The following STRAP variants were observed in gnomAD, a reference collection of about 807,000 sequenced individuals.
The protein encoded by STRAP is serine/threonine kinase receptor associated protein.
Under a neutral mutation model 47.0 loss-of-function variants are expected in STRAP, and 16 were observed. The observed-to-expected ratio is 0.34, with a 90% confidence interval of 0.23 to 0.52. The LOEUF (loss-of-function observed/expected upper bound fraction) is 0.52. STRAP is among the 20% of genes least tolerant of loss of function. STRAP has a pLI of 0.96. For missense variants in STRAP, 293 were observed against 420.0 expected (o/e 0.70, Z 2.64); for synonymous variants, 130 against 142.7 (o/e 0.91, Z 0.63).
chr12:15,902,888 T>C (rs1486760657), intron 9 of STRAP, 29 bp from the exon 10 acceptor site: 1 of 857,814 alleles, frequency 1.2e-6, no homozygotes, highest in African/African-American at 1.9e-5. Flanking sequence ...AATGTGACTT[T>C]TTTTTTTTTT....
chr12:15,899,914 G>A lies in STRAP; in HGVS notation c.786G>A (p.Lys262=). 6.2e-7 allele frequency: 1 copy of A among 1,612,270 alleles called. No homozygotes were observed. The highest frequency in any genetic ancestry group is 8.5e-7 in the Non-Finnish European group (1 of 1,179,488). Residue 262 remains lysine (K), a synonymous_variant, in exon 8 of 10, where the codon AAG becomes AAA. Coordinates refer to ENST00000419869, the MANE Select transcript of STRAP (RefSeq NM_007178.4). ...YNSGEELESY[K]GHFGPIHCVR... ...CCTCTTCTTTTTCAGAATCCTACAAGGGACACTTTGGTCCTATTCACTGTG... is the reference window on the plus strand; with the variant it reads ...CCTCTTCTTTTTCAGAATCCTACAAAGGACACTTTGGTCCTATTCACTGTG...
intron 2 of STRAP, among the ~76,000 whole-genome samples, chr12:15,885,205 T>A (rs905107303): frequency 1.0e-4 from 15 of 145,082 alleles, no homozygotes; most frequent in African/African-American, 2.1e-4. Flanking sequence ...TTTTTTTTTT[T>A]AAAGACAGAG....
At position 15,902,922 on chromosome 12, in the gene STRAP, A is replaced by G; in HGVS notation, c.997A>G (p.Ile333Val). 1 of 1,501,426 alleles carries G rather than the reference A, an allele frequency of 6.7e-7. No homozygotes were observed. The highest frequency in any genetic ancestry group is 8.8e-7 in the Non-Finnish European group (1 of 1,136,312). 93.0% of individuals were successfully genotyped at this position (1,501,426 alleles called of 1,614,324 possible). A position where few individuals can be genotyped will look rare whatever the true frequency, so the allele number is the denominator to read the frequency against. ...PETTEEELEE[I>V]ASENSDCIFP... ...TTTTTTTTTTTTACTTATAGAAGAA[A>G]TTGCTTCAGAGAATTCAGATTGCAT... The change falls in exon 10 of 10, where the codon ATT becomes GTT. Residue 333 changes from isoleucine (I) to valine (V), a missense_variant. Physicochemically the swap from Ile to Val is conservative, Grantham distance 29. Transcript: ENST00000419869.
intron 8 of STRAP, among the ~76,000 whole-genome samples, chr12:15,900,547 G>T (rs1054405360): frequency 2.0e-5 from 3 of 151,394 alleles, no homozygotes; most frequent in Admixed American, 1.3e-4. Context: ...AAAATTTGTT[G>T]TACAATCTAG....
In STRAP at chr12:15,883,043, G is replaced by C. The variant is rs1446618177; in HGVS notation, c.112+224G>C. The C allele has an allele frequency of 2.0e-6, 3 of 1,534,370 alleles. No homozygotes were observed. The South Asian group carries it at 3.6e-5, about 18-fold the overall frequency. Reference sequence around the variant, plus strand: ...TGTAGAAACTATTACCTCCAACTAAGACCTCTCTCCTTATTTTATTTTTAT... The same window carrying C: ...TGTAGAAACTATTACCTCCAACTAACACCTCTCTCCTTATTTTATTTTTAT... On this transcript the variant is annotated intron_variant, in intron 1 of 9. Transcript: ENST00000419869.
At position 15,894,200 on chromosome 12, in the gene STRAP, C is replaced by G. The variant is rs944203861; in HGVS notation, c.500+57C>G. 5.6e-6 allele frequency: 8 copies of G among 1,423,848 alleles called. No homozygotes were observed. The highest frequency in any genetic ancestry group is 3.4e-5 in the Admixed American group (2 of 58,028). 88.2% of individuals were successfully genotyped at this position (1,423,848 alleles called of 1,614,324 possible). On this transcript the variant is annotated intron_variant, in intron 5 of 9. Coordinates refer to ENST00000419869, the MANE Select transcript of STRAP (RefSeq NM_007178.4). This position sits in a 1 kb window ranked among gnomAD's most constrained non-coding sequence, Gnocchi z 4.9. ...TAAGGCCGGGCATGGTGGCTCACGC[C>G]TATAATCTCAGCACTTTGGGAGGCG...
intron 7 of STRAP, among the ~76,000 whole-genome samples, chr12:15,899,182 T>C (rs538906229): frequency 2.0e-5 from 3 of 152,342 alleles, no homozygotes; most frequent in African/African-American, 7.2e-5. Context: ...CCTTGTGTTC[T>C]TTGTACTCTT....
At chr12:15,886,651 G>C (rs1391848091) in intron 2 of STRAP, among the ~76,000 whole-genome samples, 1 of 152,128 alleles carries the variant, frequency 6.6e-6, no homozygotes. Flanking sequence ...GTGTTTTCAT[G>C]TGCGTGTTTG....
Position 15,903,195 on chromosome 12 carries a change from A to G in STRAP, c.*217A>G. Reference sequence around the variant, plus strand: ...AAGGGAGGTGGAGTTATCCTCTTATAGTACAGTGGCCTGTTATCTTTTTAA... The same window carrying G: ...AAGGGAGGTGGAGTTATCCTCTTATGGTACAGTGGCCTGTTATCTTTTTAA... On this transcript the variant is annotated 3_prime_UTR_variant, in exon 10 of 10. Transcript: ENST00000419869. 2.5e-6 allele frequency: 1 copy of G among 398,514 alleles called. No individual in the cohort carries two copies. Among genetic ancestry groups the G allele is most frequent in the South Asian group, 9.7e-5 (1 of 10,284 alleles). The allele number at this position is 398,514 out of a possible 1,614,324, so 24.7% of individuals were successfully genotyped here. A position where few individuals can be genotyped will look rare whatever the true frequency, so the allele number is the denominator to read the frequency against.
At chr12:15,892,953 T>C (rs774513532) in intron 4 of STRAP, among the ~76,000 whole-genome samples, 2 of 152,142 alleles carry the variant, frequency 1.3e-5, no homozygotes, top group Non-Finnish European at 2.9e-5. Context: ...TAAAATGAGG[T>C]TTTACTGTGT....
intron 2 of STRAP, 43 bp from the exon 3 acceptor site, chr12:15,889,885 T>C (rs1320103658): frequency 1.4e-6 from 2 of 1,466,988 alleles, no homozygotes; most frequent in South Asian, 2.3e-5. Context: ...TTTAATATAT[T>C]GGGTAATATT....
intron 2 of STRAP, among the ~76,000 whole-genome samples, chr12:15,884,687 A>G (rs1393039399): frequency 6.6e-6 from 1 of 152,100 alleles, no homozygotes; most frequent in Non-Finnish European, 1.5e-5. Context: ...GGGGTGAACT[A>G]CTGTGCCTGG....
chr12:15,889,518 A>G (rs1289585587), intron 2 of STRAP, among the ~76,000 whole-genome samples: 1 of 152,024 alleles, frequency 6.6e-6, no homozygotes, highest in Non-Finnish European at 1.5e-5. Context: ...TTTATTGTGC[A>G]TCTGAGTGGA....
rs1370845176 is a variant in STRAP, at chr12:15,890,644, A to G, written c.378A>G (p.Ile126Met). ...LTGGQDKLLR[I>M]YDLNKPEAEP... is the part of the protein sequence containing the mutation. ...GGGGACAGGATAAACTGTTACGCAT[A>G]TATGACTTGAACAAACCTGAAGCAG... The change falls in exon 4 of 10, where the codon ATA becomes ATG. Residue 126 changes from isoleucine to methionine, a missense_variant. By Grantham distance (10) the Ile-to-Met change is conservative. Around this residue, in one of 5 missense-constraint regions of STRAP, gnomAD observed 152 missense variants for 183.0 expected, o/e 0.83. Coordinates refer to ENST00000419869, the MANE Select transcript of STRAP (RefSeq NM_007178.4). The surrounding 1 kb of genome is among the most constrained non-coding windows in gnomAD (Gnocchi z 4.5). 3.1e-6 allele frequency: 5 copies of G among 1,610,786 alleles called. No homozygotes were observed. The highest frequency in any genetic ancestry group is 2.2e-5 in the East Asian group (1 of 44,676).
chr12:15,894,205 A>G lies in STRAP; in HGVS notation c.500+62A>G, dbSNP rs1480445070. ...CCGGGCATGGTGGCTCACGCCTATA[A>G]TCTCAGCACTTTGGGAGGCGAGCCG... On this transcript the variant is annotated intron_variant, in intron 5 of 9. Transcript: ENST00000419869. This position sits in a 1 kb window ranked among gnomAD's most constrained non-coding sequence, Gnocchi z 4.9. 10 of 1,383,042 alleles carry G rather than the reference A, an allele frequency of 7.2e-6. No individual in the cohort carries two copies. The highest frequency in any genetic ancestry group is 3.5e-5 in the Admixed American group (2 of 56,978). 85.7% of individuals were successfully genotyped at this position (1,383,042 alleles called of 1,614,324 possible).
chr12:15,883,226 T>C, intron 1 of STRAP: 2 of 1,256,436 alleles, frequency 1.6e-6, no homozygotes, highest in Non-Finnish European at 2.2e-6. Context: ...TTTGTGGTAT[T>C]AGCCTCATTT....
In STRAP at chr12:15,901,718, G is replaced by A. The variant is rs371920587; in HGVS notation, c.991+706G>A. 4.0e-5 allele frequency among the ~76,000 whole-genome samples: 6 copies of A among 151,792 alleles called. No individual in the cohort carries two copies. In the East Asian group the frequency reaches 5.9e-4, roughly 15 times the overall value. On this transcript the variant is annotated intron_variant, in intron 9 of 9. Transcript: ENST00000419869. Reference sequence around the variant, plus strand: ...TCTACTAAAAATACAAAAATTAGCCGGTCATGGTGGCAGATACCTGTAATC... The same window carrying A: ...TCTACTAAAAATACAAAAATTAGCCAGTCATGGTGGCAGATACCTGTAATC...
At chr12:15,889,237 A>G (rs1335164537) in intron 2 of STRAP, among the ~76,000 whole-genome samples, 1 of 152,158 alleles carries the variant, frequency 6.6e-6, no homozygotes, top group Non-Finnish European at 1.5e-5. Context: ...ATGTATACCT[A>G]TAACCAACTT....
In STRAP at chr12:15,894,838, A is replaced by T. The variant is rs1432813925; in HGVS notation, c.501-521A>T. Among the ~76,000 whole-genome samples the T allele has an allele frequency of 6.6e-6, 1 of 152,208 alleles. No individual in the cohort carries two copies. The highest frequency in any genetic ancestry group is 1.5e-5 in the Non-Finnish European group (1 of 68,040). On this transcript the variant is annotated intron_variant, in intron 5 of 9. Transcript: ENST00000419869. The surrounding 1 kb of genome is among the most constrained non-coding windows in gnomAD (Gnocchi z 4.9). Reference sequence around the variant, plus strand: ...AAGTATTTTCAATTAAGGGATGCTCACCTTGTGTATACAGACAGCAAAATT... The same window carrying T: ...AAGTATTTTCAATTAAGGGATGCTCTCCTTGTGTATACAGACAGCAAAATT...
Sources: allele counts gnomAD v4.1 joint callset (sites outside exome capture counted in the v4.1 genomes callset), GRCh38; gene constraint gnomAD v4.1.1; regional missense constraint gnomAD v4.1.1; non-coding constraint Gnocchi (gnomAD v3.1); transcripts MANE v1.5; gene names NCBI Gene and HGNC (gene_info 2026-07-23, HGNC 2026-07-21).